The following EIF4B variants were observed in gnomAD, a reference collection of about 807,000 sequenced individuals.
EIF4B encodes eukaryotic translation initiation factor 4B.
In EIF4B, 8 loss-of-function variants were observed where a neutral mutation model predicts 79.3. That is an observed-to-expected ratio of 0.10 (90% CI 0.06 to 0.18). EIF4B has a LOEUF of 0.18. Ranked by LOEUF, EIF4B falls within the 10% of genes least tolerant of loss-of-function variation. The pLI, the probability that EIF4B is intolerant of heterozygous loss-of-function variation, is 1.00. For missense variants in EIF4B, 515 were observed against 792.4 expected, an observed-to-expected ratio of 0.65 and a Z score of 4.20; for synonymous variants, 238 against 274.7, an observed-to-expected ratio of 0.87 and a Z score of 1.32.
intron 8 of EIF4B, 51 bp downstream of exon 8, chr12:53,028,239 C>A: frequency 6.6e-7 from 1 of 1,524,286 alleles, no homozygotes; most frequent in South Asian, 1.3e-5. Context: ...GGGAAAACTA[C>A]GGAAAATTTG....
In EIF4B at chr12:53,040,896, A is replaced by C. The variant is rs1343273257; in HGVS notation, c.*673A>C. ...AATGGGAAAATCGTGGTTTGAAAAG[A>C]AGCTTTTGGGAAGTGATGAGTCATT... On this transcript the variant is annotated 3_prime_UTR_variant, in exon 15 of 15. Coordinates refer to ENST00000262056, the MANE Select transcript of EIF4B (RefSeq NM_001417.7). The C allele has an allele frequency of 6.6e-6, 1 of 152,114 alleles. No homozygotes were observed. Among genetic ancestry groups the C allele is most frequent in the Non-Finnish European group, 1.5e-5 (1 of 68,016 alleles). 9.4% of individuals were successfully genotyped at this position (152,114 alleles called of 1,614,324 possible). A position where few individuals can be genotyped will look rare whatever the true frequency, so the allele number is the denominator to read the frequency against.
intron 1 of EIF4B, among the ~76,000 whole-genome samples, chr12:53,014,159 C>CAAAA (rs1943111211): frequency 6.6e-6 from 1 of 151,496 alleles, no homozygotes; most frequent in Non-Finnish European, 1.5e-5. Context: ...AGGCCGGGCG[C>CAAAA]GTTGGCTCAC....
chr12:53,034,626 G>C lies in EIF4B; in HGVS notation c.1223G>C (p.Arg408Pro). 1 of 1,613,970 alleles carries C rather than the reference G, an allele frequency of 6.2e-7. No individual in the cohort carries two copies. Among genetic ancestry groups the C allele is most frequent in the Non-Finnish European group, 8.5e-7 (1 of 1,179,858 alleles). ...CTCTCGTACAGACACCCAAGCTGGC[G>C]AAGTGAAGAAACTCAGGAACGGGAA... Reference protein sequence around the residue: ...RRPRERHPSWRSEETQERERS... With the variant: ...RRPRERHPSWPSEETQERERS... The change falls in exon 10 of 15, where the codon CGA (arginine) becomes CCA (proline). Residue 408 changes from arginine to proline, a missense_variant. Physicochemically the swap from Arg to Pro is moderately radical, Grantham distance 103. Transcript: ENST00000262056.
At chr12:53,037,986 G>T in intron 11 of EIF4B, 1 of 276,190 alleles carries the variant, frequency 3.6e-6, no homozygotes, top group Non-Finnish European at 6.9e-6. Flanking sequence ...AGCCTGGCGT[G>T]GTGGCAGGTA....
chr12:53,037,517 A>G lies in EIF4B; in HGVS notation c.1415A>G (p.Lys472Arg). The G allele has an allele frequency of 6.2e-7, 1 of 1,613,948 alleles. No homozygotes were observed. Among genetic ancestry groups the G allele is most frequent in the Middle Eastern group, 1.7e-4 (1 of 6,056 alleles). Residue 472 changes from lysine to arginine, a missense_variant, in exon 11 of 15, where the codon AAG (lysine) becomes AGG (arginine). Transcript: ENST00000262056. Reference sequence around the variant, plus strand: ...CCTCCCAAACCTGATCAGCCCCTAAAGGTAATGCCAGCCCCTCCACCAAAG... The same window carrying G: ...CCTCCCAAACCTGATCAGCCCCTAAGGGTAATGCCAGCCCCTCCACCAAAG... ...SKPPKPDQPL[K>R]VMPAPPPKEN... is the part of the protein sequence containing the mutation.
At chr12:53,017,746 A>G (rs1455078920) in intron 2 of EIF4B, among the ~76,000 whole-genome samples, 1 of 152,130 alleles carries the variant, frequency 6.6e-6, no homozygotes, top group East Asian at 1.9e-4. Flanking sequence ...GGTGCCCGCC[A>G]CCGCGCCCAG....
At chr12:53,037,030 T>C (rs1359295527) in intron 10 of EIF4B, among the ~76,000 whole-genome samples, 1 of 152,152 alleles carries the variant, frequency 6.6e-6, no homozygotes. Flanking sequence ...AGTCCATGTG[T>C]GTTGAGTTTT....
Position 53,028,080 on chromosome 12 carries a change from T to C in EIF4B, c.871T>C (p.Tyr291His). 1 of 1,613,952 alleles carries C rather than the reference T, an allele frequency of 6.2e-7. No individual in the cohort carries two copies. Among genetic ancestry groups the C allele is most frequent in the Non-Finnish European group, 8.5e-7 (1 of 1,179,948 alleles). Residue 291 changes from tyrosine to histidine, a missense_variant, in exon 8 of 15, where the codon TAC becomes CAC. Coordinates refer to ENST00000262056, the MANE Select transcript of EIF4B (RefSeq NM_001417.7). ...FGSGYRRDDD[Y>H]RGGGDRYEDR... ...CAGTGGGTATCGCAGGGATGATGAC[T>C]ACAGAGGAGGCGGGGACCGCTATGA...
chr12:53,018,248 G>C (rs1354346475), intron 2 of EIF4B, among the ~76,000 whole-genome samples: 1 of 152,116 alleles, frequency 6.6e-6, no homozygotes, highest in Non-Finnish European at 1.5e-5. Context: ...TTGGCCTCCC[G>C]AAGTGTTGGG....
chr12:53,038,304 T>A (rs7968918), intron 11 of EIF4B, 52 bp from the exon 12 acceptor site: 2 of 1,509,898 alleles, frequency 1.3e-6, no homozygotes, highest in Non-Finnish European at 8.9e-7. Context: ...TGTTTCTTGG[T>A]TGTTTTCTCC....
chr12:53,042,090 T>C lies in EIF4B; in HGVS notation c.*1867T>C, dbSNP rs1252082233. The C allele has an allele frequency of 3.9e-5, 6 of 152,636 alleles. No homozygotes were observed. Among genetic ancestry groups the C allele is most frequent in the Non-Finnish European group, 8.8e-5 (6 of 68,056 alleles). 9.5% of individuals were successfully genotyped at this position (152,636 alleles called of 1,614,324 possible). ...ATGTAAAATTTGTACAAAAATATCTTCTATGAAAATGATTTGTAATCTGTA... is the reference window on the plus strand; with the variant it reads ...ATGTAAAATTTGTACAAAAATATCTCCTATGAAAATGATTTGTAATCTGTA... On this transcript the variant is annotated 3_prime_UTR_variant, in exon 15 of 15. Transcript: ENST00000262056.
At position 53,037,989 on chromosome 12, in the gene EIF4B, G is replaced by A. The variant is rs1943567262; in HGVS notation, c.1520+367G>A. On this transcript the variant is annotated intron_variant, in intron 11 of 14. Coordinates refer to ENST00000262056, the MANE Select transcript of EIF4B (RefSeq NM_001417.7). ...AGCAACACTATTAGCCTGGCGTGGT[G>A]GCAGGTACCTGTAATCCCAGCTACT... 10 of 273,132 alleles carry A rather than the reference G, an allele frequency of 3.7e-5. No individual in the cohort carries two copies. In the Admixed American group the frequency reaches 4.0e-4, roughly 11 times the overall value. 16.9% of individuals were successfully genotyped at this position (273,132 alleles called of 1,614,324 possible).
Position 53,027,932 on chromosome 12 carries a change from CAT to C in EIF4B, c.805+14_805+15del, listed in dbSNP as rs763684593. ...GACTATGATAGAGGTAATTGTAAAA[CAT>C]GTCGAATTGCTCTTTCAGTAACTTT... On this transcript the variant is annotated intron_variant, in intron 7 of 14. Coordinates refer to ENST00000262056, the MANE Select transcript of EIF4B (RefSeq NM_001417.7). 3 of 1,611,524 alleles carry C rather than the reference CAT, an allele frequency of 1.9e-6. No individual in the cohort carries two copies. The highest frequency in any genetic ancestry group is 1.7e-5 in the Admixed American group (1 of 59,652).
chr12:53,038,548 C>T (rs1158032225), intron 12 of EIF4B, 137 bp downstream of exon 12: 2 of 667,636 alleles, frequency 3.0e-6, no homozygotes, highest in East Asian at 7.1e-5. Context: ...GGCGCAGGGG[C>T]TCACACCTGT....
At chr12:53,019,431 ATATATATTTTTTTTTTTTCT>A (rs1943202350) in intron 3 of EIF4B, among the ~76,000 whole-genome samples, 1 of 35,180 alleles carries the variant, frequency 2.8e-5, no homozygotes, top group Non-Finnish European at 9.1e-5. Flanking sequence ...AATTATATAT[ATATATATTTTTTTTTTTTCT>A]TTTTTTTTTT....
At position 53,016,566 on chromosome 12, in the gene EIF4B, A is replaced by G. The variant is rs1164875745; in HGVS notation, c.107A>G (p.Lys36Arg). ...GTGGGSTYVSKPVSWADETDD... is the reference protein window; with the variant it reads ...GTGGGSTYVSRPVSWADETDD... ...GGTGGAGGAAGCACCTATGTTTCCAAACCAGTCAGCTGGGCTGATGAAACG... is the reference window on the plus strand; with the variant it reads ...GGTGGAGGAAGCACCTATGTTTCCAGACCAGTCAGCTGGGCTGATGAAACG... The change falls in exon 2 of 15, where the codon AAA (lysine) becomes AGA (arginine). Residue 36 changes from lysine (K) to arginine (R), a missense_variant. Physicochemically the swap from Lys to Arg is conservative, Grantham distance 26. This residue lies in a region of EIF4B where 105 missense variants were observed against 177.2 expected (regional missense o/e 0.59). Transcript: ENST00000262056. The G allele has an allele frequency of 6.2e-7, 1 of 1,612,594 alleles. No individual in the cohort carries two copies. Among genetic ancestry groups the G allele is most frequent in the East Asian group, 2.2e-5 (1 of 44,832 alleles).
rs926436070 is a variant in EIF4B, at chr12:53,023,539, G to T, written c.667+912G>T. On this transcript the variant is annotated intron_variant, in intron 6 of 14. Coordinates refer to ENST00000262056, the MANE Select transcript of EIF4B (RefSeq NM_001417.7). ...AGCCACTGCGCCTGGCCCATCAGTT[G>T]CATTACTATATGCTTGTAGCAAACA... Among the ~76,000 whole-genome samples the T allele has an allele frequency of 1.0e-4, 15 of 143,234 alleles. No homozygotes were observed. The East Asian group carries it at 2.0e-3, about 19-fold the overall frequency. 94.0% of individuals were successfully genotyped at this position (143,234 alleles called of 152,430 possible). A position where few individuals can be genotyped will look rare whatever the true frequency, so the allele number is the denominator to read the frequency against.
At chr12:53,025,747 T>C (rs570080365) in intron 6 of EIF4B, among the ~76,000 whole-genome samples, 2 of 151,902 alleles carry the variant, frequency 1.3e-5, no homozygotes, top group Non-Finnish European at 2.9e-5. Flanking sequence ...GGAAATGTTA[T>C]GTCTGGTCAG....
chr12:53,018,742 A>G (rs1355260688), intron 2 of EIF4B, 56 bp from the exon 3 acceptor site: 26 of 1,593,856 alleles, frequency 1.6e-5, no homozygotes, highest in Admixed American at 8.4e-5. Context: ...CTCTTGTTCT[A>G]TGACAGTAGT....
Sources: allele counts gnomAD v4.1 joint callset (sites outside exome capture counted in the v4.1 genomes callset), GRCh38; gene constraint gnomAD v4.1.1; regional missense constraint gnomAD v4.1.1; transcripts MANE v1.5; gene names NCBI Gene and HGNC (gene_info 2026-07-23, HGNC 2026-07-21).